The following NTRK2 variants were observed in gnomAD, a reference collection of about 807,000 sequenced individuals.
NTRK2 encodes BDNF/NT-3 growth factors receptor.
In NTRK2, 13 loss-of-function variants were observed where a neutral mutation model predicts 94.5. The observed-to-expected ratio is 0.14, with a 90% confidence interval of 0.09 to 0.22. NTRK2 has a LOEUF of 0.22. NTRK2 is among the 10% of genes least tolerant of loss of function. NTRK2 has a pLI of 1.00. For missense variants in NTRK2, 639 were observed against 1,071.2 expected (o/e 0.60, Z 5.63); for synonymous variants, 372 against 407.4 (o/e 0.91, Z 1.05).
At chr9:84,707,148 AAC>A (rs1429869964) in intron 4 of NTRK2, among the ~76,000 whole-genome samples, 2 of 152,300 alleles carry the variant, frequency 1.3e-5, no homozygotes, top group Middle Eastern at 3.4e-3. Context: ...ACATGTTTGG[AAC>A]ATGTCAGTAA....
At chr9:84,916,532 A>G (rs919996595) in intron 14 of NTRK2, among the ~76,000 whole-genome samples, 22 of 152,170 alleles carry the variant, frequency 1.4e-4, no homozygotes, top group African/African-American at 5.1e-4. Flanking sequence ...GTAAGAAGAC[A>G]TCTGTTTTCC....
intron 14 of NTRK2, among the ~76,000 whole-genome samples, chr9:84,921,453 C>A (rs1413230892): frequency 6.6e-6 from 1 of 152,206 alleles, no homozygotes; most frequent in South Asian, 2.1e-4. Context: ...TGAGTTCACA[C>A]CAGAGATTTT....
chr9:84,781,400 T>C lies in NTRK2; in HGVS notation c.1396+29315T>C, dbSNP rs7036870. On this transcript the variant is annotated intron_variant, in intron 12 of 18. Transcript: ENST00000277120. ...GTTCATAACATTCTCTGGTATATCA[T>C]ACTTTTCAGATCATAAGTATACTTT... Among the ~76,000 whole-genome samples, 850 of 150,538 alleles carry C rather than the reference T, an allele frequency of 5.6e-3. 15 individuals carry two copies. The highest frequency in any genetic ancestry group is 0.02 in the African/African-American group (819 of 40,118).
Position 84,754,351 on chromosome 9 carries a change from A to C in NTRK2, c.1396+2266A>C, listed in dbSNP as rs548772781. 5.3e-5 allele frequency among the ~76,000 whole-genome samples: 8 copies of C among 151,792 alleles called. No individual in the cohort carries two copies. In the East Asian group the frequency reaches 1.6e-3, roughly 29 times the overall value. The stretch of plus-strand genomic sequence containing the variant: ...CTGTTCTATTTTAAGCTACATGTCT[A>C]TCTGGGGCATGATGTGAATAAAAAG... On this transcript the variant is annotated intron_variant, in intron 12 of 18. Coordinates refer to ENST00000277120, the MANE Select transcript of NTRK2 (RefSeq NM_006180.6).
chr9:84,741,619 A>G (rs2063657729), intron 9 of NTRK2, among the ~76,000 whole-genome samples: 2 of 152,220 alleles, frequency 1.3e-5, no homozygotes, highest in African/African-American at 4.8e-5. Flanking sequence ...GTAATAATTC[A>G]TTGATTGCTG....
intron 11 of NTRK2, among the ~76,000 whole-genome samples, chr9:84,750,375 A>C (rs1323288246): frequency 6.6e-6 from 1 of 152,192 alleles, no homozygotes; most frequent in Non-Finnish European, 1.5e-5. Flanking sequence ...ACTTAACCAC[A>C]AGCAAGCCAG....
At chr9:84,984,016 G>A (rs957481695) in intron 17 of NTRK2, among the ~76,000 whole-genome samples, 1 of 152,094 alleles carries the variant, frequency 6.6e-6, no homozygotes, top group Non-Finnish European at 1.5e-5. Context: ...CTCTTCTTTC[G>A]AGCCTCAGTT....
At chr9:84,871,786 C>T (rs2132114031) in intron 14 of NTRK2, 1 of 1,613,336 alleles carries the variant, frequency 6.2e-7, no homozygotes, top group Non-Finnish European at 8.5e-7. Flanking sequence ...TACTTTATTG[C>T]AGGGCCCAGA....
chr9:84,787,323 C>CA (rs560301657), intron 12 of NTRK2, among the ~76,000 whole-genome samples: 7 of 143,732 alleles, frequency 4.9e-5, no homozygotes, highest in Non-Finnish European at 8.9e-5. Context: ...ACAAACAAAA[C>CA]AAACAAACAA....
At chr9:84,870,244 A>G (rs12555924) in intron 14 of NTRK2, among the ~76,000 whole-genome samples, 6,365 of 138,898 alleles carry the variant, frequency 0.046, 426 homozygotes, top group East Asian at 0.17. Flanking sequence ...ATATATAAGT[A>G]TATGTACACA....
intron 2 of NTRK2, among the ~76,000 whole-genome samples, chr9:84,690,951 C>T (rs2060017179): frequency 2.0e-5 from 3 of 151,950 alleles, no homozygotes; most frequent in Admixed American, 2.0e-4. Flanking sequence ...AGTTTTTCAT[C>T]AGTATTTGAA....
chr9:84,929,913 T>C (rs892627457), intron 14 of NTRK2, among the ~76,000 whole-genome samples: 1 of 152,178 alleles, frequency 6.6e-6, no homozygotes, highest in Non-Finnish European at 1.5e-5. Context: ...GGTGATTTGC[T>C]CAAGTCTCCA....
intron 12 of NTRK2, chr9:84,812,841 G>T: frequency 9.6e-7 from 1 of 1,036,438 alleles, no homozygotes; most frequent in Non-Finnish European, 1.2e-6. Flanking sequence ...AAAATGGAGA[G>T]AAGTGGACAG....
rs771261962 is a variant in NTRK2 at position 84,867,286 on chromosome 9, A to G, written c.1488A>G (p.Pro496=). Residue 496 remains proline (P), a synonymous_variant, in exon 14 of 19, where the codon CCA becomes CCG. Coordinates refer to ENST00000277120, the MANE Select transcript of NTRK2 (RefSeq NM_006180.6). ...GCAATGATGATGACTCTGCCAGCCC[A>G]CTCCATCACATCTCCAATGGGAGTA... ...VISNDDDSAS[P]LHHISNGSNT... The G allele has an allele frequency of 8.1e-6, 13 of 1,613,890 alleles. No homozygotes were observed. The highest frequency in any genetic ancestry group is 1.1e-5 in the South Asian group (1 of 91,072).
At chr9:84,693,089 T>A (rs1231035073) in intron 2 of NTRK2, among the ~76,000 whole-genome samples, 1 of 152,192 alleles carries the variant, frequency 6.6e-6, no homozygotes, top group Non-Finnish European at 1.5e-5. Context: ...ACATGGAAAT[T>A]CAAAACTTTT....
chr9:84,997,647 C>T (rs1454431588), intron 17 of NTRK2, among the ~76,000 whole-genome samples: 2 of 152,124 alleles, frequency 1.3e-5, no homozygotes, highest in Non-Finnish European at 2.9e-5. Context: ...AAAGTGGGAG[C>T]TGAGTGGTCA....
At chr9:84,883,003 G>C (rs543565773) in intron 14 of NTRK2, among the ~76,000 whole-genome samples, 26 of 152,164 alleles carry the variant, frequency 1.7e-4, no homozygotes, top group Middle Eastern at 6.8e-3. Flanking sequence ...CTAACCTCAG[G>C]TGATCTGCCC....
chr9:84,974,864 A>G (rs1351187210), intron 17 of NTRK2, among the ~76,000 whole-genome samples: 1 of 152,166 alleles, frequency 6.6e-6, no homozygotes, highest in East Asian at 1.9e-4. Flanking sequence ...TTGGGAGTTA[A>G]GGGGAGCAGG....
At position 84,689,685 on chromosome 9, in the gene NTRK2, G is replaced by C. The variant is rs185833616; in HGVS notation, c.213-12474G>C. ...TAAGTTCATATTTCAGTGATGCTAA[G>C]TACATCCACGTGTTGTGTAACCATC... On this transcript the variant is annotated intron_variant, in intron 2 of 18. Transcript: ENST00000277120. Among the ~76,000 whole-genome samples, 393 of 152,146 alleles carry C rather than the reference G, an allele frequency of 2.6e-3. 2 individuals carry two copies. The highest frequency in any genetic ancestry group is 9.2e-3 in the African/African-American group (380 of 41,496).
Sources: gnomAD v4.1 joint callset for allele counts (sites outside exome capture counted in the v4.1 genomes callset) on GRCh38, gnomAD v4.1.1 for gene constraint, MANE v1.5 for transcripts, NCBI Gene and HGNC (gene_info 2026-07-23, HGNC 2026-07-21) for gene names.